Variants in GRIA4 observed in about 807,000 individuals in gnomAD.
GRIA4 encodes the protein glutamate receptor 4.
In GRIA4, 34 loss-of-function variants were observed where a neutral mutation model predicts 104.0. The observed-to-expected ratio is 0.33, with a 90% CI of 0.25 to 0.44. GRIA4 has a LOEUF of 0.44. Ranked by LOEUF, GRIA4 falls within the 20% of genes least tolerant of loss-of-function variation. The probability of loss-of-function intolerance (pLI) is 1.00; values close to 1 mark genes in which losing one functional copy is unlikely to be tolerated. For missense variants in GRIA4, 750 were observed against 1,096.5 expected (o/e 0.68, Z 4.46); for synonymous variants, 386 against 381.9 (o/e 1.01, Z -0.13).
chr11:105,975,248 C>T (rs1858916831), intron 16 of GRIA4, among the ~76,000 whole-genome samples: 1 of 152,118 alleles, frequency 6.6e-6, no homozygotes, highest in African/African-American at 2.4e-5. Flanking sequence ...GGTAAATAGA[C>T]ATTTTAGGCA....
chr11:105,868,639 A>G (rs1429282321), intron 5 of GRIA4, among the ~76,000 whole-genome samples: 1 of 152,140 alleles, frequency 6.6e-6, no homozygotes, highest in African/African-American at 2.4e-5. Context: ...ATTATGGGAC[A>G]CCTACATGTC....
chr11:105,918,985 T>A, intron 11 of GRIA4, 67 bp downstream of exon 11: 1 of 916,050 alleles, frequency 1.1e-6, no homozygotes. Flanking sequence ...CTTGGGCACA[T>A]AACAATTTTT....
intron 14 of GRIA4, among the ~76,000 whole-genome samples, chr11:105,945,930 C>T (rs907960992): frequency 1.3e-5 from 2 of 151,932 alleles, no homozygotes; most frequent in South Asian, 4.2e-4. Flanking sequence ...AGAAATATAT[C>T]ATTAAGAAAA....
intron 3 of GRIA4, among the ~76,000 whole-genome samples, chr11:105,721,580 C>T (rs1937823327): frequency 6.6e-6 from 1 of 152,188 alleles, no homozygotes; most frequent in African/African-American, 2.4e-5. Flanking sequence ...GTGCAAAGCA[C>T]TGTACAAATG....
chr11:105,912,960 A>T (rs763155557), intron 10 of GRIA4: 6 of 973,872 alleles, frequency 6.2e-6, no homozygotes, highest in Non-Finnish European at 7.3e-6. Flanking sequence ...TAGAAGGCTG[A>T]GAGTGAGCAC....
At chr11:105,902,529 G>A (rs149862877) in intron 7 of GRIA4, among the ~76,000 whole-genome samples, 1 of 151,948 alleles carries the variant, frequency 6.6e-6, no homozygotes, top group East Asian at 1.9e-4. Context: ...GGGATGGGGT[G>A]TGGCCATGTT....
intron 4 of GRIA4, among the ~76,000 whole-genome samples, chr11:105,813,150 C>T (rs1166751694): frequency 1.3e-5 from 2 of 149,338 alleles, no homozygotes; most frequent in Non-Finnish European, 3.0e-5. Context: ...ACCAGCTGGT[C>T]TCCTCATCTA....
chr11:105,691,042 G>T (rs940548771), intron 3 of GRIA4, among the ~76,000 whole-genome samples: 1 of 152,124 alleles, frequency 6.6e-6, no homozygotes, highest in African/African-American at 2.4e-5. Context: ...AGATTAGTTA[G>T]AACTGGCCTT....
chr11:105,869,361 T>G (rs1945537692), intron 5 of GRIA4, among the ~76,000 whole-genome samples: 1 of 152,124 alleles, frequency 6.6e-6, no homozygotes, highest in Admixed American at 6.6e-5. Context: ...ATCCAAAACT[T>G]CAGCTTCTTT....
At chr11:105,966,959 A>C (rs934284703) in intron 14 of GRIA4, among the ~76,000 whole-genome samples, 1 of 152,148 alleles carries the variant, frequency 6.6e-6, no homozygotes, top group Non-Finnish European at 1.5e-5. Context: ...TGTCTTAAGG[A>C]GTAATAACTT....
intron 4 of GRIA4, among the ~76,000 whole-genome samples, chr11:105,825,470 T>C (rs1444767819): frequency 2.6e-5 from 4 of 152,100 alleles, no homozygotes; most frequent in Non-Finnish European, 5.9e-5. Flanking sequence ...TATCCAACAA[T>C]TGAGGCTTGC....
intron 14 of GRIA4, chr11:105,945,380 G>A (rs888928904): frequency 1.4e-4 from 31 of 223,728 alleles, no homozygotes; most frequent in African/African-American, 7.0e-4. Context: ...TGAGACCTGA[G>A]GAAAGGGTTG....
intron 3 of GRIA4, among the ~76,000 whole-genome samples, chr11:105,658,694 T>C (rs1032713918): frequency 1.3e-5 from 2 of 151,928 alleles, no homozygotes; most frequent in African/African-American, 4.8e-5. Flanking sequence ...CAAGAAGAAA[T>C]GTATAGGGAT....
chr11:105,696,305 C>T (rs1253291979), intron 3 of GRIA4, among the ~76,000 whole-genome samples: 1 of 152,108 alleles, frequency 6.6e-6, no homozygotes, highest in Non-Finnish European at 1.5e-5. Context: ...TCATCATTGC[C>T]CATCTCTACT....
intron 10 of GRIA4, among the ~76,000 whole-genome samples, chr11:105,918,094 C>A (rs1947461359): frequency 6.6e-6 from 1 of 151,950 alleles, no homozygotes; most frequent in East Asian, 1.9e-4. Flanking sequence ...AAATACTGGA[C>A]AACATTAGGA....
intron 4 of GRIA4, among the ~76,000 whole-genome samples, chr11:105,779,450 C>T (rs1211201333): frequency 3.3e-5 from 5 of 152,010 alleles, no homozygotes; most frequent in Non-Finnish European, 7.4e-5. Context: ...TTGATATTCC[C>T]CTTCCTGTGT....
chr11:105,839,564 C>A (rs1014020404), intron 4 of GRIA4, among the ~76,000 whole-genome samples: 2 of 150,408 alleles, frequency 1.3e-5, no homozygotes, highest in East Asian at 3.9e-4. Context: ...TTATCAAAAT[C>A]TTTTATAAGC....
chr11:105,859,727 G>A (rs1945149659), intron 4 of GRIA4, among the ~76,000 whole-genome samples: 1 of 151,282 alleles, frequency 6.6e-6, no homozygotes, highest in Non-Finnish European at 1.5e-5. Context: ...CAACACTCAA[G>A]CAAACAAAAA....
At chr11:105,719,751 G>T (rs1440886717) in intron 3 of GRIA4, among the ~76,000 whole-genome samples, 1 of 151,504 alleles carries the variant, frequency 6.6e-6, no homozygotes, top group Non-Finnish European at 1.5e-5. Context: ...ATGCGTTCAG[G>T]CTCTATAGGG....
Sources: gnomAD v4.1 joint callset for allele counts (sites outside exome capture counted in the v4.1 genomes callset) on GRCh38, gnomAD v4.1.1 for gene constraint, MANE v1.5 for transcripts, NCBI Gene and HGNC (gene_info 2026-07-23, HGNC 2026-07-21) for gene names.